SEZ6L: variants seen among roughly 807,000 people sequenced by gnomAD.
The protein encoded by SEZ6L is seizure related 6 homolog like, also known as seizure 6-like protein.
In SEZ6L, 37 loss-of-function variants were observed where a neutral mutation model predicts 106.2. The observed-to-expected ratio is 0.35, with a 90% CI of 0.27 to 0.46. The LOEUF (loss-of-function observed/expected upper bound fraction) is 0.46, where lower values mean the gene tolerates loss of function less well. Ranked by LOEUF, SEZ6L falls within the 20% of genes least tolerant of loss-of-function variation. SEZ6L has a pLI of 1.00. For missense variants in SEZ6L, 1,172 were observed against 1,332.8 expected (o/e 0.88, Z 1.88); for synonymous variants, 541 against 570.4 (o/e 0.95, Z 0.73).
At chr22:26,253,704 A>G (rs1348476094) in intron 1 of SEZ6L, among the ~76,000 whole-genome samples, 1 of 152,206 alleles carries the variant, frequency 6.6e-6, no homozygotes, top group Non-Finnish European at 1.5e-5. Context: ...AATGAGGGCA[A>G]TGTTGCCCCC....
intron 9 of SEZ6L, among the ~76,000 whole-genome samples, chr22:26,333,578 C>T (rs2082554919): frequency 6.7e-6 from 1 of 150,308 alleles, no homozygotes; most frequent in Non-Finnish European, 1.5e-5. Context: ...GAGCCCGAAA[C>T]CTGGCCCTAT....
chr22:26,172,904 A>G (rs778657776), intron 1 of SEZ6L, among the ~76,000 whole-genome samples: 2 of 152,220 alleles, frequency 1.3e-5, no homozygotes, highest in African/African-American at 2.4e-5. Flanking sequence ...GCCAAATTGC[A>G]AAACATCCAA....
chr22:26,258,406 G>A (rs2079894540), intron 1 of SEZ6L, among the ~76,000 whole-genome samples: 1 of 152,186 alleles, frequency 6.6e-6, no homozygotes, highest in African/African-American at 2.4e-5. Context: ...TCCTGGAGGA[G>A]GCAATGCCTG....
intron 12 of SEZ6L, among the ~76,000 whole-genome samples, chr22:26,359,143 C>T (rs1313186917): frequency 2.6e-5 from 4 of 152,212 alleles, no homozygotes; most frequent in Admixed American, 2.0e-4. Flanking sequence ...CTTCTGCCAT[C>T]TTCTAGGTGC....
At chr22:26,222,371 C>T (rs2078503155) in intron 1 of SEZ6L, among the ~76,000 whole-genome samples, 2 of 152,204 alleles carry the variant, frequency 1.3e-5, no homozygotes, top group Non-Finnish European at 2.9e-5. Flanking sequence ...AAGGCAGTGA[C>T]AGGGCTGAAA....
intron 1 of SEZ6L, among the ~76,000 whole-genome samples, chr22:26,283,251 A>T (rs2080830672): frequency 6.6e-6 from 1 of 152,192 alleles, no homozygotes; most frequent in South Asian, 2.1e-4. Context: ...CCTCCTTAAG[A>T]AATTATGTGA....
intron 1 of SEZ6L, among the ~76,000 whole-genome samples, chr22:26,219,731 G>A (rs2078406869): frequency 1.3e-5 from 2 of 152,166 alleles, no homozygotes; most frequent in African/African-American, 4.8e-5. Context: ...GCAATGCCTG[G>A]TGACAGCGAT....
At chr22:26,270,816 C>T (rs2080340449) in intron 1 of SEZ6L, among the ~76,000 whole-genome samples, 1 of 152,194 alleles carries the variant, frequency 6.6e-6, no homozygotes, top group South Asian at 2.1e-4. Context: ...CTTTCCTCCT[C>T]CTGCCTGGAC....
chr22:26,363,240 T>C (rs2083693915), intron 12 of SEZ6L, among the ~76,000 whole-genome samples: 2 of 152,246 alleles, frequency 1.3e-5, no homozygotes, highest in South Asian at 4.1e-4. Context: ...ATTGTTTCAG[T>C]TGACATTACT....
Position 26,297,010 on chromosome 22 carries a change from C to A in SEZ6L, c.1092C>A (p.Thr364=), listed in dbSNP as rs1569451263. Residue 364 remains threonine, a synonymous_variant, in exon 4 of 17, where the codon ACC becomes ACA. Transcript: ENST00000248933. ...AGGGGCAGGTAATCCGAAGCCCCAC[C>A]AACACCATCTCCGTCTACTTCCGGA... ...LVEGQVIRSP[T]NTISVYFRTF... 1 of 1,613,996 alleles carries A rather than the reference C, an allele frequency of 6.2e-7. No homozygotes were observed. Among genetic ancestry groups the A allele is most frequent in the Non-Finnish European group, 8.5e-7 (1 of 1,179,996 alleles).
At chr22:26,296,478 C>T (rs998389581) in intron 3 of SEZ6L, among the ~76,000 whole-genome samples, 1 of 152,228 alleles carries the variant, frequency 6.6e-6, no homozygotes, top group African/African-American at 2.4e-5. Flanking sequence ...AGTATACATT[C>T]TGGTAGAATG....
chr22:26,255,037 C>T (rs2079759532), intron 1 of SEZ6L, among the ~76,000 whole-genome samples: 1 of 152,186 alleles, frequency 6.6e-6, no homozygotes, highest in African/African-American at 2.4e-5. Context: ...ACCTGGGATA[C>T]ATTGTGCAGA....
intron 1 of SEZ6L, among the ~76,000 whole-genome samples, chr22:26,189,219 C>G (rs1303062682): frequency 6.6e-6 from 1 of 152,166 alleles, no homozygotes; most frequent in Admixed American, 6.5e-5. Flanking sequence ...GAGGTAGATA[C>G]CATTATTGCC....
Position 26,183,881 on chromosome 22 carries a change from G to C in SEZ6L, c.94+14118G>C, listed in dbSNP as rs538363092. ...ATTAATTCCTTTGGGTCCTGGGGTA[G>C]TTTTATTCTAAGTAATAATAAAAAT... On this transcript the variant is annotated intron_variant, in intron 1 of 16. Coordinates refer to ENST00000248933, the MANE Select transcript of SEZ6L (RefSeq NM_021115.5). Among the ~76,000 whole-genome samples, 91 of 152,210 alleles carry C rather than the reference G, an allele frequency of 6.0e-4. 1 individual carries two copies. The highest frequency in any genetic ancestry group is 2.1e-3 in the African/African-American group (86 of 41,548).
In SEZ6L at chr22:26,380,907, T is replaced by C. The variant is rs1269129213; in HGVS notation, c.*612T>C. 6.6e-6 allele frequency: 1 copy of C among 152,228 alleles called. No individual in the cohort carries two copies. The highest frequency in any genetic ancestry group is 1.5e-5 in the Non-Finnish European group (1 of 68,056). 9.4% of individuals were successfully genotyped at this position (152,228 alleles called of 1,614,324 possible). On this transcript the variant is annotated 3_prime_UTR_variant, in exon 17 of 17. Transcript: ENST00000248933. The stretch of plus-strand genomic sequence containing the variant: ...ATATAAACATTGTCTTTTACCACTC[T>C]GGCCTCGCTGGACAGTGACAAAACA...
chr22:26,234,300 T>A (rs1462463931), intron 1 of SEZ6L, among the ~76,000 whole-genome samples: 1 of 152,194 alleles, frequency 6.6e-6, no homozygotes, highest in Non-Finnish European at 1.5e-5. Flanking sequence ...CACGCTCTCT[T>A]GGCTCCAGCT....
intron 1 of SEZ6L, among the ~76,000 whole-genome samples, chr22:26,227,895 A>G (rs542238788): frequency 2.0e-5 from 3 of 152,230 alleles, no homozygotes; most frequent in African/African-American, 7.2e-5. Flanking sequence ...GCACACATGC[A>G]TGGAGAACTC....
intron 1 of SEZ6L, among the ~76,000 whole-genome samples, chr22:26,238,396 T>C (rs2079014337): frequency 6.6e-6 from 1 of 152,236 alleles, no homozygotes; most frequent in African/African-American, 2.4e-5. Context: ...GAACCGTGTT[T>C]ATGAAGATGG....
intron 1 of SEZ6L, among the ~76,000 whole-genome samples, chr22:26,219,739 G>A (rs932208743): frequency 6.6e-6 from 1 of 152,156 alleles, no homozygotes; most frequent in Non-Finnish European, 1.5e-5. Context: ...TGGTGACAGC[G>A]ATGAAAATAA....
Sources: gnomAD v4.1 joint callset for allele counts (sites outside exome capture counted in the v4.1 genomes callset) on GRCh38, gnomAD v4.1.1 for gene constraint, MANE v1.5 for transcripts, NCBI Gene and HGNC (gene_info 2026-07-23, HGNC 2026-07-21) for gene names.